The following PCDHA7 variants were observed in gnomAD, a reference collection of about 807,000 sequenced individuals.
PCDHA7 encodes protocadherin alpha 7.
Under a neutral mutation model 57.2 loss-of-function variants are expected in PCDHA7, and 37 were observed. That is an observed-to-expected ratio of 0.65 (90% CI 0.50 to 0.85). The LOEUF is 0.85. PCDHA7 is among the 40% of genes least tolerant of loss of function. PCDHA7 has a pLI of 0.00. For missense variants in PCDHA7, 1,188 were observed against 1,241.8 expected (o/e 0.96, Z 0.65); for synonymous variants, 553 against 558.8 (o/e 0.99, Z 0.15).
chr5:140,883,332 T>A, intron 1 of PCDHA7: 1 of 1,614,174 alleles, frequency 6.2e-7, no homozygotes, highest in East Asian at 2.2e-5. Context: ...ATCACTTCTT[T>A]GTCACTCCCC....
intron 1 of PCDHA7, chr5:140,877,318 G>A: frequency 6.2e-7 from 1 of 1,614,000 alleles, no homozygotes; most frequent in Non-Finnish European, 8.5e-7. Context: ...ACCGGCGGCG[G>A]TCGGCGCGCA....
At chr5:141,000,415 A>ATT (rs1563651650) in intron 3 of PCDHA7, among the ~76,000 whole-genome samples, 4 of 87,388 alleles carry the variant, frequency 4.6e-5, no homozygotes, top group African/African-American at 1.5e-4. Flanking sequence ...ATATATATAT[A>ATT]TATATATTTT....
At chr5:140,848,385 C>G (rs2150409736) in intron 1 of PCDHA7, 28 of 1,211,136 alleles carry the variant, frequency 2.3e-5, no homozygotes, top group Non-Finnish European at 2.9e-5. Flanking sequence ...CTTTTTCACT[C>G]TCTCTGTGCT....
chr5:140,941,199 C>CTT (rs879983584), intron 1 of PCDHA7, among the ~76,000 whole-genome samples: 22 of 115,972 alleles, frequency 1.9e-4, no homozygotes, highest in African/African-American at 6.6e-4. Context: ...TTTTTTCTTT[C>CTT]TTCCTTTCTT....
At chr5:140,837,960 C>T (rs1483663172) in intron 1 of PCDHA7, among the ~76,000 whole-genome samples, 2 of 151,794 alleles carry the variant, frequency 1.3e-5, no homozygotes, top group African/African-American at 2.4e-5. Context: ...ATTACAGACA[C>T]GAACAACCAC....
chr5:140,856,704 C>T, intron 1 of PCDHA7: 1 of 1,596,654 alleles, frequency 6.3e-7, no homozygotes, highest in Non-Finnish European at 8.6e-7. Context: ...GGAGGCAAAC[C>T]TGAATTTACC....
chr5:140,889,077 T>G (rs1476404733), intron 1 of PCDHA7, among the ~76,000 whole-genome samples: 1 of 152,076 alleles, frequency 6.6e-6, no homozygotes, highest in Non-Finnish European at 1.5e-5. Flanking sequence ...CTTATTTTGT[T>G]AAATTTTCAA....
chr5:140,961,704 C>T (rs1381981839), intron 1 of PCDHA7, among the ~76,000 whole-genome samples: 1 of 152,086 alleles, frequency 6.6e-6, no homozygotes, highest in African/African-American at 2.4e-5. Flanking sequence ...GTATGAATGC[C>T]TTCATTTCTA....
At chr5:140,850,903 G>T (rs781893598) in intron 1 of PCDHA7, 1 of 1,560,860 alleles carries the variant, frequency 6.4e-7, no homozygotes, top group Non-Finnish European at 8.7e-7. Context: ...GGTTTTTCTA[G>T]CATTTTATTT....
At chr5:140,929,132 T>C (rs782124526) in intron 1 of PCDHA7, 2 of 1,614,214 alleles carry the variant, frequency 1.2e-6, no homozygotes, top group East Asian at 4.5e-5. Flanking sequence ...GTCACTACAG[T>C]TGAGAGACTT....
At chr5:140,912,810 A>G (rs887666910) in intron 1 of PCDHA7, among the ~76,000 whole-genome samples, 16 of 152,202 alleles carry the variant, frequency 1.1e-4, no homozygotes, top group African/African-American at 3.6e-4. Flanking sequence ...GGTTTTTATC[A>G]TAAAGGGATT....
chr5:140,842,286 C>T lies in PCDHA7; in HGVS notation c.2355+5548C>T, dbSNP rs1554138940. 21 of 1,610,290 alleles carry T rather than the reference C, an allele frequency of 1.3e-5. 1 individual carries two copies. The highest frequency in any genetic ancestry group is 1.5e-5 in the Non-Finnish European group (18 of 1,176,908). On this transcript the variant is annotated intron_variant, in intron 1 of 3. Transcript: ENST00000525929. ...AACTTATACAAAATCCTCATTGACG[C>T]CACGGACAAAGGCCATCCTCCCATG...
chr5:140,866,420 T>C (rs2049348301), intron 1 of PCDHA7: 1 of 152,148 alleles, frequency 6.6e-6, no homozygotes, highest in African/African-American at 2.4e-5. Context: ...CAAATGTGTG[T>C]AGGTCTTTCA....
In PCDHA7 at chr5:140,835,823, G is replaced by A. The variant is rs2150245934; in HGVS notation, c.1440G>A (p.Gly480=). 1 of 1,612,580 alleles carries A rather than the reference G, an allele frequency of 6.2e-7. No individual in the cohort carries two copies. The highest frequency in any genetic ancestry group is 1.7e-5 in the Admixed American group (1 of 60,012). The change falls in exon 1 of 4, where the codon GGG becomes GGA. Residue 480 remains glycine, a synonymous_variant. Transcript: ENST00000525929. ...PGCHIFTVSA[G]DADAQKNALV... ...GCCACATCTTCACTGTGTCGGCGGG[G>A]GACGCGGACGCGCAGAAGAACGCGC...
chr5:140,902,381 A>G (rs2153476778), intron 1 of PCDHA7, among the ~76,000 whole-genome samples: 1 of 152,036 alleles, frequency 6.6e-6, no homozygotes, highest in South Asian at 2.1e-4. Flanking sequence ...TGCTCTAGCT[A>G]AGAGTACTAT....
intron 1 of PCDHA7, chr5:140,928,897 G>C: frequency 6.2e-7 from 1 of 1,614,186 alleles, no homozygotes. Flanking sequence ...AGACTTTGAA[G>C]ATGTCTGGGA....
In PCDHA7 at chr5:141,012,190, T is replaced by C. The variant is rs1002658582; in HGVS notation, c.*2253T>C. On this transcript the variant is annotated 3_prime_UTR_variant, in exon 4 of 4. Transcript: ENST00000525929. ...TTAATGATGATAATTATAATGTATCTGTACAGCACTTTTTACATTTGCGAA... is the reference window on the plus strand; with the variant it reads ...TTAATGATGATAATTATAATGTATCCGTACAGCACTTTTTACATTTGCGAA... The C allele has an allele frequency of 2.0e-5, 3 of 153,780 alleles. No homozygotes were observed. Among genetic ancestry groups the C allele is most frequent in the African/African-American group, 7.2e-5 (3 of 41,458 alleles). 9.5% of individuals were successfully genotyped at this position (153,780 alleles called of 1,614,324 possible).
chr5:141,005,142 T>C (rs1554259898), intron 3 of PCDHA7, among the ~76,000 whole-genome samples: 1 of 152,234 alleles, frequency 6.6e-6, no homozygotes, highest in African/African-American at 2.4e-5. Flanking sequence ...ATTGGAGAGT[T>C]GTTTGGTCTG....
chr5:140,944,881 T>C (rs1554216593), intron 1 of PCDHA7, among the ~76,000 whole-genome samples: 1 of 152,180 alleles, frequency 6.6e-6, no homozygotes, highest in Non-Finnish European at 1.5e-5. Flanking sequence ...CCTACTCCAC[T>C]GTACAGTTCC....
Sources: allele counts gnomAD v4.1 joint callset (sites outside exome capture counted in the v4.1 genomes callset), GRCh38; gene constraint gnomAD v4.1.1; transcripts MANE v1.5; gene names NCBI Gene and HGNC (gene_info 2026-07-23, HGNC 2026-07-21).